TRAK1: variants seen among roughly 807,000 people sequenced by gnomAD.
The protein encoded by TRAK1 is trafficking kinesin-binding protein 1.
In TRAK1, 33 loss-of-function variants were observed where a neutral mutation model predicts 92.1. The observed-to-expected ratio is 0.36, with a 90% CI of 0.27 to 0.48. The LOEUF is 0.48. Among genes scored for constraint, TRAK1 ranks in the 20% least tolerant of loss-of-function variants. The probability of loss-of-function intolerance (pLI) is 0.99; values close to 1 mark genes in which losing one functional copy is unlikely to be tolerated. For missense variants in TRAK1, 1,123 were observed against 1,257.9 expected (o/e 0.89, Z 1.62); for synonymous variants, 521 against 517.3 (o/e 1.01, Z -0.10).
intron 1 of TRAK1, among the ~76,000 whole-genome samples, chr3:42,035,705 G>A (rs1488559389): frequency 4.6e-5 from 7 of 152,078 alleles, no homozygotes; most frequent in Non-Finnish European, 7.4e-5. Flanking sequence ...AGTGCAGATC[G>A]AATCCCATCA....
intron 1 of TRAK1, among the ~76,000 whole-genome samples, chr3:42,111,233 C>G (rs56366987): frequency 0.16 from 24,534 of 152,162 alleles, 2,365 homozygotes; most frequent in Admixed American, 0.24. Flanking sequence ...CTCTTAACCT[C>G]CAAGCTGTCC....
intron 14 of TRAK1, among the ~76,000 whole-genome samples, chr3:42,215,980 T>G (rs1215717293): frequency 1.3e-5 from 2 of 152,190 alleles, no homozygotes; most frequent in African/African-American, 4.8e-5. Context: ...AGAAGAAAGC[T>G]TCTGTTGTCC....
chr3:42,203,372 T>G (rs1433669116), intron 13 of TRAK1: 1 of 986,176 alleles, frequency 1.0e-6, no homozygotes, highest in Non-Finnish European at 1.2e-6. Flanking sequence ...AAGTGAGTTT[T>G]GTACCTCCGT....
intron 7 of TRAK1, among the ~76,000 whole-genome samples, chr3:42,192,182 G>T (rs148053821): frequency 6.6e-6 from 1 of 152,156 alleles, no homozygotes; most frequent in African/African-American, 2.4e-5. Flanking sequence ...GATTACAGGC[G>T]TGAGCCACCA....
At chr3:42,048,986 C>T (rs963156696) in intron 1 of TRAK1, among the ~76,000 whole-genome samples, 9 of 152,186 alleles carry the variant, frequency 5.9e-5, no homozygotes, top group Non-Finnish European at 1.3e-4. Context: ...CTCGTGGCCT[C>T]AAGCAATCCT....
intron 2 of TRAK1, among the ~76,000 whole-genome samples, chr3:42,128,614 A>G (rs1710894282): frequency 6.6e-6 from 1 of 152,260 alleles, no homozygotes. Flanking sequence ...TATTTTTATT[A>G]ACTTCTAACT....
In TRAK1 at chr3:42,165,336, C is replaced by T. The variant is rs143020494; in HGVS notation, c.287-11478C>T. Among the ~76,000 whole-genome samples, 660 of 152,218 alleles carry T rather than the reference C, an allele frequency of 4.3e-3. 6 individuals are homozygous for T. Among genetic ancestry groups the T allele is most frequent in the African/African-American group, 0.015 (626 of 41,512 alleles). ...AACCAGACATGATCATCTGGAAAAA[C>T]GGGTGAAAAAAATGCCAGTCAGTGG... On this transcript the variant is annotated intron_variant, in intron 2 of 15. Coordinates refer to ENST00000327628, the MANE Select transcript of TRAK1 (RefSeq NM_001042646.3).
intron 1 of TRAK1, among the ~76,000 whole-genome samples, chr3:42,062,112 A>G (rs1227616986): frequency 1.3e-5 from 2 of 152,108 alleles, no homozygotes; most frequent in African/African-American, 4.8e-5. Flanking sequence ...GGAATCCTAC[A>G]GCAGACAAGA....
intron 1 of TRAK1, among the ~76,000 whole-genome samples, chr3:42,124,381 T>C (rs1391067336): frequency 6.6e-6 from 1 of 152,206 alleles, no homozygotes; most frequent in Non-Finnish European, 1.5e-5. Context: ...CAGAATTAGT[T>C]GATAGATAAT....
intron 10 of TRAK1, among the ~76,000 whole-genome samples, chr3:42,197,000 TCTCACA>T (rs1257812706): frequency 0.04 from 5,248 of 131,004 alleles, 101 homozygotes; most frequent in South Asian, 0.082. Context: ...TCTCTCTCTC[TCTCACA>T]CACACACACA....
intron 2 of TRAK1, among the ~76,000 whole-genome samples, chr3:42,166,013 T>G (rs6775014): frequency 0.67 from 102,214 of 151,872 alleles, 34,792 homozygotes; most frequent in East Asian, 0.95. Flanking sequence ...TCCCCAGCTT[T>G]CTTGTATCAT....
rs181446363 is a variant in TRAK1, at chr3:42,034,985, C to T, written c.-519+20868C>T. Reference sequence around the variant, plus strand: ...TCTACCAGTTTTCTAGGCCACATCCCCTGCAGCCATTGCTCTTCTCCTACT... The same window carrying T: ...TCTACCAGTTTTCTAGGCCACATCCTCTGCAGCCATTGCTCTTCTCCTACT... On this transcript the variant is annotated intron_variant, in intron 1 of 16. Coordinates refer to the TRAK1 transcript ENST00000487159. Among the ~76,000 whole-genome samples the T allele has an allele frequency of 3.1e-3, 471 of 152,304 alleles. 2 individuals are homozygous for T. Among genetic ancestry groups the T allele is most frequent in the Non-Finnish European group, 5.3e-3 (358 of 68,028 alleles).
intron 14 of TRAK1, chr3:42,218,420 G>A (rs891754461): frequency 5.1e-6 from 5 of 977,380 alleles, no homozygotes; most frequent in Non-Finnish European, 6.0e-6. Context: ...GTCTCTGGGG[G>A]CTGAGCTGCT....
At chr3:42,151,011 T>G (rs768594593) in intron 2 of TRAK1, among the ~76,000 whole-genome samples, 12 of 152,212 alleles carry the variant, frequency 7.9e-5, no homozygotes, top group Admixed American at 4.6e-4. Flanking sequence ...CTAGTTTCCT[T>G]GGTGATTTGT....
At chr3:42,113,374 C>G (rs58609370) in intron 1 of TRAK1, among the ~76,000 whole-genome samples, 203 of 119,136 alleles carry the variant, frequency 1.7e-3, no homozygotes, top group South Asian at 4.8e-3. Context: ...CTACGCCTAC[C>G]CCTACCCCTA....
At chr3:42,054,613 A>G (rs983612017) in intron 1 of TRAK1, among the ~76,000 whole-genome samples, 1 of 152,208 alleles carries the variant, frequency 6.6e-6, no homozygotes, top group Non-Finnish European at 1.5e-5. Context: ...TTTTCTATAA[A>G]AACAGCCTTC....
upstream of TRAK1, among the ~76,000 whole-genome samples, chr3:42,013,580 A>C (rs1309177206): frequency 2.6e-4 from 35 of 133,616 alleles, no homozygotes; most frequent in South Asian, 2.3e-3. This position sits in a 1 kb window ranked among gnomAD's most constrained non-coding sequence, Gnocchi z 5.1. Flanking sequence ...GGGGCTGGGA[A>C]GGGGGAGGGC....
chr3:42,182,135 G>A (rs1198000261), intron 3 of TRAK1, among the ~76,000 whole-genome samples: 4 of 151,796 alleles, frequency 2.6e-5, no homozygotes, highest in Non-Finnish European at 4.4e-5. Flanking sequence ...TGACCAGTGT[G>A]GATAAATGTG....
intron 2 of TRAK1, among the ~76,000 whole-genome samples, chr3:42,163,715 C>T (rs1374925037): frequency 6.6e-6 from 1 of 152,154 alleles, no homozygotes; most frequent in Non-Finnish European, 1.5e-5. Flanking sequence ...ATCCACACCT[C>T]ATAGATAACA....
Sources: gnomAD v4.1 joint callset for allele counts (sites outside exome capture counted in the v4.1 genomes callset) on GRCh38, gnomAD v4.1.1 for gene constraint, Gnocchi (gnomAD v3.1) non-coding constraint, MANE v1.5 for transcripts, NCBI Gene and HGNC (gene_info 2026-07-23, HGNC 2026-07-21) for gene names.